Variants in ECHDC3 observed in about 807,000 individuals in gnomAD.
ECHDC3 encodes enoyl-CoA hydratase domain containing 3.
Under a neutral mutation model 17.9 loss-of-function variants are expected in ECHDC3, and 20 were observed. That is an observed-to-expected ratio of 1.12 (90% confidence interval 0.79 to 1.63). ECHDC3 has a LOEUF of 1.63. ECHDC3 is among the 40% of genes most tolerant of loss of function. The pLI is 0.00. For missense variants in ECHDC3, 407 were observed against 357.7 expected, an observed-to-expected ratio of 1.14 and a Z score of -1.11; for synonymous variants, 177 against 149.7, an observed-to-expected ratio of 1.18 and a Z score of -1.33.
chr10:11,763,695 AC>A lies in ECHDC3; in HGVS notation c.*152del. Reference sequence around the variant, plus strand: ...TAGCATTTGGCCTACATTAAAAGCCACAATTTCATGGGGAAAGGACAAAATG... The same window carrying A: ...TAGCATTTGGCCTACATTAAAAGCCAAATTTCATGGGGAAAGGACAAAATG... On this transcript the variant is annotated 3_prime_UTR_variant, in exon 5 of 5. Coordinates refer to ENST00000379215, the MANE Select transcript of ECHDC3 (RefSeq NM_024693.5). This position sits in a 1 kb window ranked among gnomAD's most constrained non-coding sequence, Gnocchi z 4.9. 7.0e-7 allele frequency: 1 copy of A among 1,424,324 alleles called. No homozygotes were observed. Among genetic ancestry groups the A allele is most frequent in the East Asian group, 2.5e-5 (1 of 39,340 alleles). 88.2% of individuals were successfully genotyped at this position (1,424,324 alleles called of 1,614,324 possible). A position where few individuals can be genotyped will look rare whatever the true frequency, so the allele number is the denominator to read the frequency against.
intron 4 of ECHDC3, among the ~76,000 whole-genome samples, chr10:11,762,347 C>T (rs369799353): frequency 1.3e-4 from 20 of 152,218 alleles, no homozygotes; most frequent in South Asian, 8.3e-4. Context: ...CCAGCGAGTC[C>T]GAGGACCCTG....
intron 3 of ECHDC3, among the ~76,000 whole-genome samples, chr10:11,753,602 A>T (rs4750100): frequency 1.3e-5 from 2 of 151,884 alleles, no homozygotes; most frequent in Non-Finnish European, 2.9e-5. Context: ...CTTTCTTTGC[A>T]GCAAGACTTT....
intron 1 of ECHDC3, among the ~76,000 whole-genome samples, chr10:11,743,627 T>C (rs1252904491): frequency 6.6e-6 from 1 of 152,218 alleles, no homozygotes; most frequent in Non-Finnish European, 1.5e-5. Flanking sequence ...ACCTTTGGGC[T>C]TGGGGTGCCC....
In ECHDC3 at chr10:11,763,511, G is replaced by T; in HGVS notation, c.879G>T (p.Lys293Asn). The change falls in exon 5 of 5, where the codon AAG becomes AAT. Residue 293 changes from lysine to asparagine, a missense_variant. Coordinates refer to ENST00000379215, the MANE Select transcript of ECHDC3 (RefSeq NM_024693.5). The surrounding 1 kb of genome is among the most constrained non-coding windows in gnomAD (Gnocchi z 4.9). ...AGGGCATCACGGCCTTCCTCCAGAA[G>T]AGAAAACCTGTCTGGTCACACGAGC... ...GQEGITAFLQKRKPVWSHEPV is the reference protein window; with the variant it reads ...GQEGITAFLQNRKPVWSHEPV 7.1e-7 allele frequency: 1 copy of T among 1,418,120 alleles called. No individual in the cohort carries two copies. Among genetic ancestry groups the T allele is most frequent in the East Asian group, 2.3e-5 (1 of 43,206 alleles). The allele number at this position is 1,418,120 out of a possible 1,614,324, so 87.8% of individuals were successfully genotyped here.
chr10:11,751,050 A>G (rs1242174631), intron 3 of ECHDC3, among the ~76,000 whole-genome samples: 1 of 152,206 alleles, frequency 6.6e-6, no homozygotes, highest in African/African-American at 2.4e-5. Context: ...TTCCTACATT[A>G]ATGATGTTTA....
At chr10:11,756,086 G>T (rs1031801674) in intron 4 of ECHDC3, among the ~76,000 whole-genome samples, 4 of 152,206 alleles carry the variant, frequency 2.6e-5, no homozygotes, top group Non-Finnish European at 4.4e-5. Flanking sequence ...TTCCAGAACG[G>T]ATTTAGAATA....
At chr10:11,742,925 G>A in intron 1 of ECHDC3, 179 bp downstream of exon 1, 1 of 652,100 alleles carries the variant, frequency 1.5e-6, no homozygotes, top group Non-Finnish European at 2.2e-6. Context: ...TAGGGCCGTC[G>A]GTGGGACTGC....
chr10:11,755,759 G>A (rs3750694), intron 4 of ECHDC3, 151 bp downstream of exon 4: 405,009 of 668,694 alleles, frequency 0.61, 125,749 homozygotes, highest in Non-Finnish European at 0.64. Flanking sequence ...GGGCCAGGAT[G>A]TTCCCTCTAA....
chr10:11,760,850 G>A (rs72781910), intron 4 of ECHDC3, among the ~76,000 whole-genome samples: 9,872 of 152,284 alleles, frequency 0.065, 373 homozygotes, highest in Non-Finnish European at 0.087. Flanking sequence ...AACAGGATCC[G>A]CTTTTTAGCT....
At chr10:11,749,682 T>C in intron 3 of ECHDC3, 90 bp downstream of exon 3, 3 of 1,264,364 alleles carry the variant, frequency 2.4e-6, no homozygotes, top group Admixed American at 1.9e-5. Flanking sequence ...GATAAGATTT[T>C]ATCCATGAGA....
At chr10:11,751,477 C>G in intron 3 of ECHDC3, among the ~76,000 whole-genome samples, 1 of 152,192 alleles carries the variant, frequency 6.6e-6, no homozygotes, top group East Asian at 1.9e-4. Flanking sequence ...GCAAGATTTC[C>G]ATTTCCAAGT....
At chr10:11,755,955 A>G (rs888588559) in intron 4 of ECHDC3, among the ~76,000 whole-genome samples, 8 of 152,170 alleles carry the variant, frequency 5.3e-5, no homozygotes, top group Admixed American at 2.0e-4. Flanking sequence ...TGCAATTGAG[A>G]CTCAGTTTTG....
At chr10:11,742,796 A>T (rs1018418110) in intron 1 of ECHDC3, 50 bp downstream of exon 1, 17 of 1,223,414 alleles carry the variant, frequency 1.4e-5, no homozygotes, top group Non-Finnish European at 1.6e-5. Context: ...AGTCGGGGTC[A>T]GGGCGCCGCC....
chr10:11,760,409 C>T (rs1588466091), intron 4 of ECHDC3, among the ~76,000 whole-genome samples: 1 of 152,220 alleles, frequency 6.6e-6, no homozygotes, highest in African/African-American at 2.4e-5. Flanking sequence ...CTGCAAGCCC[C>T]CCACCTGGGA....
At chr10:11,743,855 G>A (rs902899) in intron 1 of ECHDC3, among the ~76,000 whole-genome samples, 141,969 of 152,306 alleles carry the variant, frequency 0.93, 67,037 homozygotes, top group East Asian at 1. Flanking sequence ...CGGCCAGATG[G>A]CAAAAAGGAG....
Position 11,763,025 on chromosome 10 carries a change from G to C in ECHDC3, c.592-199G>C, listed in dbSNP as rs1276172507. On this transcript the variant is annotated intron_variant, in intron 4 of 4. Transcript: ENST00000379215. The surrounding 1 kb of genome is among the most constrained non-coding windows in gnomAD (Gnocchi z 4.9). The stretch of plus-strand genomic sequence containing the variant: ...AGCAAGAGAACACGGGACAGCCACT[G>C]CTCCCCTGGGCCTGGTGTGGTTTCT... Among the ~76,000 whole-genome samples, 3 of 152,170 alleles carry C rather than the reference G, an allele frequency of 2.0e-5. No homozygotes were observed. Among genetic ancestry groups the C allele is most frequent in the Non-Finnish European group, 2.9e-5 (2 of 68,042 alleles).
Position 11,761,111 on chromosome 10 carries a change from G to T in ECHDC3, c.592-2113G>T, listed in dbSNP as rs532361035. ...GTGGGCTCCATCTCCACCCATGGTGGCAGGAGGGGCCTTGGGCCAGGCTTC... is the reference window on the plus strand; with the variant it reads ...GTGGGCTCCATCTCCACCCATGGTGTCAGGAGGGGCCTTGGGCCAGGCTTC... On this transcript the variant is annotated intron_variant, in intron 4 of 4. Transcript: ENST00000379215. Among the ~76,000 whole-genome samples the T allele has an allele frequency of 2.0e-5, 3 of 152,310 alleles. No homozygotes were observed. In the South Asian group the frequency reaches 6.2e-4, roughly 32 times the overall value.
chr10:11,762,497 T>G (rs980138227), intron 4 of ECHDC3, among the ~76,000 whole-genome samples: 1 of 152,160 alleles, frequency 6.6e-6, no homozygotes, highest in African/African-American at 2.4e-5. Flanking sequence ...CCATTTTAAG[T>G]TTGACTTTAG....
At position 11,742,541 on chromosome 10, in the gene ECHDC3, A is replaced by C. The variant is rs1832705581; in HGVS notation, c.-36A>C. ...GCCCAGCACCTGCGGCCGGCCAGGC[A>C]GCGCGATCCTGCGGCGTCTGGCCAT... On this transcript the variant is annotated 5_prime_UTR_variant, in exon 1 of 5. Transcript: ENST00000379215. 4.8e-6 allele frequency: 6 copies of C among 1,255,164 alleles called. No homozygotes were observed. The highest frequency in any genetic ancestry group is 6.0e-6 in the Non-Finnish European group (6 of 1,000,878). 77.8% of individuals were successfully genotyped at this position (1,255,164 alleles called of 1,614,324 possible).
Sources: gnomAD v4.1 joint callset for allele counts (sites outside exome capture counted in the v4.1 genomes callset) on GRCh38, gnomAD v4.1.1 for gene constraint, Gnocchi (gnomAD v3.1) non-coding constraint, MANE v1.5 for transcripts, NCBI Gene and HGNC (gene_info 2026-07-23, HGNC 2026-07-21) for gene names.